CSMD2: variants seen among roughly 807,000 people sequenced by gnomAD.
CSMD2 encodes CUB and Sushi multiple domains 2.
In CSMD2, 130 loss-of-function variants were observed where a neutral mutation model predicts 398.5. The ratio of observed to expected loss-of-function variants is 0.33; its 90% CI spans 0.28 to 0.38. CSMD2 has a LOEUF of 0.38. Among genes scored for constraint, CSMD2 ranks in the 10% least tolerant of loss-of-function variants. The probability of loss-of-function intolerance (pLI) is 1.00; values close to 1 mark genes in which losing one functional copy is unlikely to be tolerated. For synonymous variants in CSMD2, 1,828 were observed against 1,908.5 expected, an observed-to-expected ratio of 0.96 and a Z score of 1.10; for missense variants, 3,829 against 4,764.9, an observed-to-expected ratio of 0.80 and a Z score of 5.78.
At chr1:33,673,977 G>A (rs1431233487) in intron 25 of CSMD2, among the ~76,000 whole-genome samples, 1 of 152,180 alleles carries the variant, frequency 6.6e-6, no homozygotes, top group African/African-American at 2.4e-5. Context: ...ACATGGAAAG[G>A]AACAACTGGT....
At chr1:34,063,090 C>T (rs901672034) in intron 2 of CSMD2, among the ~76,000 whole-genome samples, 5 of 152,068 alleles carry the variant, frequency 3.3e-5, no homozygotes, top group East Asian at 1.9e-4. Context: ...TGGGGGAAAC[C>T]GCCCCCGTGA....
intron 3 of CSMD2, among the ~76,000 whole-genome samples, chr1:33,983,734 G>A (rs546677129): frequency 6.6e-6 from 1 of 152,130 alleles, no homozygotes; most frequent in African/African-American, 2.4e-5. Context: ...AGAGAAAGAC[G>A]TTTTGAGGAA....
chr1:33,578,350 A>G (rs1303227593), intron 48 of CSMD2, among the ~76,000 whole-genome samples: 2 of 152,234 alleles, frequency 1.3e-5, no homozygotes, highest in African/African-American at 2.4e-5. Flanking sequence ...GGCTGAGGCC[A>G]GTGGATCACT....
intron 36 of CSMD2, among the ~76,000 whole-genome samples, 163 bp from the exon 37 acceptor site, chr1:33,622,434 G>T (rs1433052566): frequency 6.6e-6 from 1 of 152,162 alleles, no homozygotes; most frequent in Non-Finnish European, 1.5e-5. Context: ...GCACTCCTCA[G>T]AGGGCTAGGT....
Position 33,594,679 on chromosome 1 carries a change from C to T in CSMD2, c.6856+6186G>A, listed in dbSNP as rs371541083. On this transcript the variant is annotated intron_variant, in intron 44 of 70. Transcript: ENST00000373381. ...TCTTCTATCTTCTCTCTACCATTTTCACGCCTCTGCCCTTCTCCCTATTTG... is the reference window on the plus strand; with the variant it reads ...TCTTCTATCTTCTCTCTACCATTTTTACGCCTCTGCCCTTCTCCCTATTTG... Among the ~76,000 whole-genome samples the T allele has an allele frequency of 2.6e-4, 39 of 152,264 alleles. 3 individuals carry two copies. In the South Asian group the frequency reaches 8.1e-3, roughly 32 times the overall value.
chr1:33,542,223 G>A (rs1359780457), intron 58 of CSMD2, among the ~76,000 whole-genome samples: 1 of 152,202 alleles, frequency 6.6e-6, no homozygotes, highest in African/African-American at 2.4e-5. Context: ...GCAAGAAATT[G>A]GAGCTGTGAG....
In CSMD2 at chr1:33,726,538, C is replaced by A. The variant is rs1440257166; in HGVS notation, c.2507+9G>T. On this transcript the variant is annotated intron_variant, in intron 16 of 70. Coordinates refer to ENST00000373381, the MANE Select transcript of CSMD2 (RefSeq NM_001281956.2). ...TTGCCCTCTCCCCCAAGGCTGTGGT[C>A]ACAAGCACCTGTCGAAGGTGATTTT... 1.9e-6 allele frequency: 3 copies of A among 1,606,014 alleles called. No homozygotes were observed. Among genetic ancestry groups the A allele is most frequent in the South Asian group, 2.2e-5 (2 of 89,874 alleles).
At chr1:33,787,642 G>C (rs1395888073) in intron 12 of CSMD2, among the ~76,000 whole-genome samples, 2 of 152,156 alleles carry the variant, frequency 1.3e-5, no homozygotes, top group Non-Finnish European at 2.9e-5. Context: ...ACGATGCCTA[G>C]ACTTGATGTG....
chr1:33,707,693 GCGCACACACACACACA>G lies in CSMD2; in HGVS notation c.3576+1380_3576+1395del, dbSNP rs1201146942. The stretch of plus-strand genomic sequence containing the variant: ...CACGCACGCGTGCACACGCGCGCGC[GCGCACACACACACACA>G]CACACACACACACACACACACACAC... On this transcript the variant is annotated intron_variant, in intron 22 of 70. Coordinates refer to ENST00000373381, the MANE Select transcript of CSMD2 (RefSeq NM_001281956.2). 3.7e-3 allele frequency among the ~76,000 whole-genome samples: 173 copies of G among 46,954 alleles called. 1 individual carries two copies. Among genetic ancestry groups the G allele is most frequent in the African/African-American group, 1.0e-2 (164 of 16,474 alleles). 30.8% of individuals were successfully genotyped at this position (46,954 alleles called of 152,430 possible).
chr1:33,691,222 G>T (rs367911009), intron 25 of CSMD2, among the ~76,000 whole-genome samples: 1 of 152,148 alleles, frequency 6.6e-6, no homozygotes, highest in African/African-American at 2.4e-5. Context: ...GGCTGAAGTC[G>T]CTGTAGCCTC....
At chr1:33,762,034 GGGGGTAACCCAA>G (rs1411714342) in intron 13 of CSMD2, among the ~76,000 whole-genome samples, 6 of 152,200 alleles carry the variant, frequency 3.9e-5, no homozygotes, top group Admixed American at 3.9e-4. Context: ...CAACACAAGA[GGGGGTAACCCAA>G]GGCCCTCTTA....
At chr1:33,581,529 CAAAAAAAAAA>C (rs59068586) in intron 47 of CSMD2, among the ~76,000 whole-genome samples, 1 of 36,876 alleles carries the variant, frequency 2.7e-5, no homozygotes, top group African/African-American at 1.0e-4. Flanking sequence ...GACTCAGTCT[CAAAAAAAAAA>C]AAAAAAAAAA....
chr1:33,769,917 T>C (rs138673120), intron 13 of CSMD2, among the ~76,000 whole-genome samples: 31 of 152,350 alleles, frequency 2.0e-4, no homozygotes, highest in Middle Eastern at 3.4e-3. Flanking sequence ...GGAGCTTTTG[T>C]ATGTACATTT....
chr1:33,763,322 G>A (rs536415252), intron 13 of CSMD2, among the ~76,000 whole-genome samples: 2 of 152,214 alleles, frequency 1.3e-5, no homozygotes, highest in East Asian at 3.9e-4. Context: ...TCAGAAATAT[G>A]ACCTAATGTC....
intron 15 of CSMD2, among the ~76,000 whole-genome samples, chr1:33,737,732 G>A (rs530069630): frequency 6.6e-6 from 1 of 152,026 alleles, no homozygotes; most frequent in Non-Finnish European, 1.5e-5. Context: ...TCATTTATTC[G>A]GTGACTCATC....
At chr1:33,788,819 C>T (rs1042195903) in intron 11 of CSMD2, 107 bp from the exon 12 acceptor site, 16 of 710,538 alleles carry the variant, frequency 2.3e-5, no homozygotes, top group Admixed American at 4.6e-5. Context: ...CAGGCCCGCT[C>T]GGGCAAATTC....
intron 1 of CSMD2, among the ~76,000 whole-genome samples, chr1:34,095,506 C>T (rs1659176081): frequency 6.6e-6 from 1 of 151,358 alleles, no homozygotes; most frequent in Non-Finnish European, 1.5e-5. Context: ...AATAGATAGA[C>T]CGCTAGCAAG....
chr1:33,984,093 G>T (rs1201181666), intron 3 of CSMD2, among the ~76,000 whole-genome samples: 1 of 152,106 alleles, frequency 6.6e-6, no homozygotes, highest in Admixed American at 6.5e-5. Flanking sequence ...GGCGGAGCTT[G>T]CAGGGAGCCG....
intron 25 of CSMD2, among the ~76,000 whole-genome samples, chr1:33,686,832 G>A (rs1476436588): frequency 8.5e-5 from 13 of 152,158 alleles, no homozygotes; most frequent in Admixed American, 8.5e-4. Context: ...CCCACCCACA[G>A]TACAGCACCC....
Sources: allele counts gnomAD v4.1 joint callset (sites outside exome capture counted in the v4.1 genomes callset), GRCh38; gene constraint gnomAD v4.1.1; transcripts MANE v1.5; gene names NCBI Gene and HGNC (gene_info 2026-07-23, HGNC 2026-07-21).